TSHZ2: variants seen among roughly 807,000 people sequenced by gnomAD.
TSHZ2 encodes teashirt zinc finger homeobox 2.
A neutral mutation model predicts 74.4 loss-of-function variants in TSHZ2; 21 were observed. The ratio of observed to expected loss-of-function variants is 0.28; its 90% CI spans 0.20 to 0.41. The LOEUF (loss-of-function observed/expected upper bound fraction) is 0.41, where lower values mean the gene tolerates loss of function less well. Ranked by LOEUF, TSHZ2 falls within the 10% of genes least tolerant of loss-of-function variation. The pLI is 1.00. For missense variants in TSHZ2, 1,244 were observed against 1,293.5 expected (o/e 0.96, Z 0.59); for synonymous variants, 540 against 515.3 (o/e 1.05, Z -0.65).
chr20:53,324,056 C>T (rs1428575124), intron 2 of TSHZ2, among the ~76,000 whole-genome samples: 1 of 152,190 alleles, frequency 6.6e-6, no homozygotes, highest in Non-Finnish European at 1.5e-5. Flanking sequence ...TTCCCAGTCT[C>T]CTTCACTAAC....
intron 2 of TSHZ2, among the ~76,000 whole-genome samples, chr20:53,466,223 G>C (rs1323442953): frequency 6.6e-6 from 1 of 150,872 alleles, no homozygotes; most frequent in Non-Finnish European, 1.5e-5. Flanking sequence ...ACTCTAGACT[G>C]GGCGACAGAG....
chr20:53,006,942 T>C (rs1001293911), intron 1 of TSHZ2, among the ~76,000 whole-genome samples: 2 of 152,042 alleles, frequency 1.3e-5, no homozygotes, highest in Non-Finnish European at 2.9e-5. Context: ...AAACTGAATA[T>C]CAGTATAAAT....
chr20:53,474,942 G>C (rs200117366), intron 2 of TSHZ2, among the ~76,000 whole-genome samples: 14,242 of 116,514 alleles, frequency 0.12, 1,932 homozygotes, highest in East Asian at 0.26. Flanking sequence ...GGGATCAATT[G>C]AACAAGAAGA....
At chr20:53,306,380 C>T (rs1978544860) in intron 2 of TSHZ2, among the ~76,000 whole-genome samples, 1 of 152,156 alleles carries the variant, frequency 6.6e-6, no homozygotes, top group Non-Finnish European at 1.5e-5. Flanking sequence ...TTTGCTTCTC[C>T]AGCCCCTACA....
At chr20:53,269,205 C>G (rs1392206133) in intron 2 of TSHZ2, among the ~76,000 whole-genome samples, 1 of 152,022 alleles carries the variant, frequency 6.6e-6, no homozygotes, top group African/African-American at 2.4e-5. Flanking sequence ...CAATTCCCTT[C>G]CCCTCAACCC....
intron 2 of TSHZ2, among the ~76,000 whole-genome samples, chr20:53,296,085 A>G (rs1991374955): frequency 6.6e-6 from 1 of 150,410 alleles, no homozygotes; most frequent in South Asian, 2.1e-4. Context: ...ATTATTCTTG[A>G]AGACTGTTTC....
At chr20:52,996,188 G>T (rs13043847) in intron 1 of TSHZ2, among the ~76,000 whole-genome samples, 4,284 of 152,140 alleles carry the variant, frequency 0.028, 92 homozygotes, top group Middle Eastern at 0.054. Context: ...AATGGAAGTG[G>T]GGTAAAATAT....
At chr20:53,309,517 A>G (rs1274342322) in intron 2 of TSHZ2, among the ~76,000 whole-genome samples, 1 of 152,240 alleles carries the variant, frequency 6.6e-6, no homozygotes, top group Non-Finnish European at 1.5e-5. Flanking sequence ...ACATTAGACA[A>G]GTGTTAATGG....
intron 2 of TSHZ2, among the ~76,000 whole-genome samples, chr20:53,274,352 C>T (rs1033562822): frequency 6.6e-6 from 1 of 152,226 alleles, no homozygotes; most frequent in African/African-American, 2.4e-5. Context: ...TCCCGCTGTG[C>T]TCGCCTTCCT....
chr20:53,345,745 TC>T (rs1980413143), intron 2 of TSHZ2, among the ~76,000 whole-genome samples: 1 of 85,736 alleles, frequency 1.2e-5, no homozygotes, highest in Non-Finnish European at 2.2e-5. Context: ...CTGCCCCTCC[TC>T]CCCTCCCTCT....
chr20:53,299,368 C>A (rs185885642), intron 2 of TSHZ2, among the ~76,000 whole-genome samples: 14 of 152,136 alleles, frequency 9.2e-5, no homozygotes, highest in African/African-American at 2.4e-4. Context: ...CTCACCACTG[C>A]GTTTTTGTGG....
intron 2 of TSHZ2, among the ~76,000 whole-genome samples, chr20:53,430,942 G>A (rs1983826715): frequency 6.6e-6 from 1 of 151,914 alleles, no homozygotes; most frequent in Non-Finnish European, 1.5e-5. Flanking sequence ...TTTTAGTAGA[G>A]ACAGTGTTTC....
intron 1 of TSHZ2, among the ~76,000 whole-genome samples, chr20:53,175,961 A>G (rs1162074426): frequency 2.6e-5 from 4 of 152,208 alleles, no homozygotes; most frequent in African/African-American, 7.2e-5. Context: ...CAGAGTAAAA[A>G]CGTAAATAAA....
intron 1 of TSHZ2, among the ~76,000 whole-genome samples, chr20:52,991,705 A>C (rs61538947): frequency 8.1e-6 from 1 of 123,166 alleles, no homozygotes; most frequent in Non-Finnish European, 1.7e-5. Context: ...TGTATGTTGT[A>C]GGTATTAGTG....
chr20:53,082,213 G>A (rs1180620133), intron 1 of TSHZ2, among the ~76,000 whole-genome samples: 3 of 152,164 alleles, frequency 2.0e-5, no homozygotes, highest in African/African-American at 7.2e-5. Context: ...AATGGTCTAT[G>A]TATTTTTAAA....
chr20:53,061,652 T>A (rs1395965586), intron 1 of TSHZ2, among the ~76,000 whole-genome samples: 2 of 152,190 alleles, frequency 1.3e-5, no homozygotes, highest in Admixed American at 6.5e-5. Flanking sequence ...TATCTATTTT[T>A]CCTATTCTGT....
intron 2 of TSHZ2, among the ~76,000 whole-genome samples, chr20:53,380,983 C>T (rs1981838484): frequency 6.6e-6 from 1 of 152,076 alleles, no homozygotes; most frequent in Admixed American, 6.6e-5. Flanking sequence ...ATTGTGAGTC[C>T]ATCCTATGCA....
chr20:53,168,700 G>A (rs1988119662), intron 1 of TSHZ2: 1 of 152,098 alleles, frequency 6.6e-6, no homozygotes, highest in Non-Finnish European at 1.5e-5. Flanking sequence ...TCTCCACGTG[G>A]TGACTCAGAT....
intron 1 of TSHZ2, among the ~76,000 whole-genome samples, chr20:53,040,188 C>G (rs965688393): frequency 1.3e-5 from 2 of 152,160 alleles, no homozygotes; most frequent in Non-Finnish European, 2.9e-5. Context: ...AGCCCAGAGA[C>G]GAGGCCTGTC....
Sources: allele counts gnomAD v4.1 joint callset (sites outside exome capture counted in the v4.1 genomes callset), GRCh38; gene constraint gnomAD v4.1.1; transcripts MANE v1.5; gene names NCBI Gene and HGNC (gene_info 2026-07-23, HGNC 2026-07-21).